Variants in FAM193A observed in about 807,000 individuals in gnomAD.
The protein encoded by FAM193A is family with sequence similarity 193 member A, also known as protein FAM193A.
FAM193A carries 22 observed loss-of-function variants against 126.5 expected under a neutral mutation model. The observed-to-expected ratio is 0.17, with a 90% confidence interval of 0.12 to 0.25. The LOEUF (loss-of-function observed/expected upper bound fraction) is 0.25. FAM193A is among the 10% of genes least tolerant of loss of function. The probability of loss-of-function intolerance (pLI) is 1.00; values close to 1 mark genes in which losing one functional copy is unlikely to be tolerated. For synonymous variants in FAM193A, 761 were observed against 646.8 expected (o/e 1.18, Z -2.68); for missense variants, 1,675 against 1,672.8 (o/e 1.00, Z -0.02).
chr4:2,636,451 C>T lies in FAM193A; in HGVS notation c.1039-3284C>T, dbSNP rs189636379. On this transcript the variant is annotated intron_variant, in intron 5 of 20. Coordinates refer to ENST00000637812, the MANE Select transcript of FAM193A (RefSeq NM_001366318.2). ...GGGAGAGTTTCTTAATGGTTAGTTG[C>T]GATGTAGAGTCTGAAACTGTATCAC... Among the ~76,000 whole-genome samples the T allele has an allele frequency of 7.2e-5, 11 of 152,096 alleles. No homozygotes were observed. The East Asian group carries it at 1.2e-3, about 16-fold the overall frequency.
At chr4:2,714,689 A>G (rs755761787) in intron 19 of FAM193A, among the ~76,000 whole-genome samples, 5 of 152,206 alleles carry the variant, frequency 3.3e-5, no homozygotes, top group Admixed American at 6.6e-5. Context: ...TGAGTTGTCA[A>G]AAATATTAGC....
chr4:2,557,991 G>C (rs1738364720), intron 1 of FAM193A, among the ~76,000 whole-genome samples: 1 of 151,920 alleles, frequency 6.6e-6, no homozygotes, highest in Admixed American at 6.6e-5. Context: ...TGTACTACAA[G>C]GCTGGGCGCT....
At chr4:2,676,851 A>G (rs141241225) in intron 13 of FAM193A, among the ~76,000 whole-genome samples, 4,628 of 152,120 alleles carry the variant, frequency 0.03, 257 homozygotes, top group African/African-American at 0.1. Flanking sequence ...TGAGGCAGGA[A>G]AATGGCGTGA....
chr4:2,560,892 C>T (rs774080190), intron 1 of FAM193A, among the ~76,000 whole-genome samples: 13 of 152,112 alleles, frequency 8.5e-5, no homozygotes, highest in Admixed American at 2.0e-4. Context: ...AAGTGATTCA[C>T]CTCACCTGCC....
intron 1 of FAM193A, among the ~76,000 whole-genome samples, chr4:2,557,153 G>GT (rs750403524): frequency 6.6e-6 from 1 of 152,110 alleles, no homozygotes; most frequent in Non-Finnish European, 1.5e-5. Context: ...AACAATAACA[G>GT]TAATAGGACA....
chr4:2,551,832 T>C (rs1737939253), intron 1 of FAM193A, among the ~76,000 whole-genome samples: 2 of 151,904 alleles, frequency 1.3e-5, no homozygotes, highest in Admixed American at 6.6e-5. Flanking sequence ...TTTTTTATTT[T>C]TATTTTTATG....
In FAM193A at chr4:2,690,733, A is replaced by G; in HGVS notation, c.2566A>G (p.Arg856Gly). ...EILGPTLSET[R>G]PEALPPPSSN... Reference sequence around the variant, plus strand: ...ATTAGGGCCAACACTCTCAGAAACAAGACCGGAAGCCCTTCCACCTCCATC... The same window carrying G: ...ATTAGGGCCAACACTCTCAGAAACAGGACCGGAAGCCCTTCCACCTCCATC... The change falls in exon 15 of 21, where the codon AGA becomes GGA. Residue 856 changes from arginine to glycine, a missense_variant. Arg to Gly is a moderately radical substitution (Grantham distance 125). Around this residue, in one of 4 missense-constraint regions of FAM193A, gnomAD observed 1,186 missense variants for 1,109.2 expected, o/e 1.07. Coordinates refer to ENST00000637812, the MANE Select transcript of FAM193A (RefSeq NM_001366318.2). 1 of 1,613,830 alleles carries G rather than the reference A, an allele frequency of 6.2e-7. No homozygotes were observed. Among genetic ancestry groups the G allele is most frequent in the Non-Finnish European group, 8.5e-7 (1 of 1,179,948 alleles).
chr4:2,626,354 G>A lies in FAM193A; in HGVS notation c.636-56G>A, dbSNP rs1435146072. 3.5e-4 allele frequency: 239 copies of A among 679,278 alleles called. 1 individual carries two copies. In the South Asian group the frequency reaches 3.5e-3, roughly 10 times the overall value. 42.1% of individuals were successfully genotyped at this position (679,278 alleles called of 1,614,324 possible). ...AGGTCCTCTGAGGACAGTGTGCTAGGTGAGGAAGGGCAGCAGATTGTGGTG... is the reference window on the plus strand; with the variant it reads ...AGGTCCTCTGAGGACAGTGTGCTAGATGAGGAAGGGCAGCAGATTGTGGTG... On this transcript the variant is annotated intron_variant, in intron 3 of 20. Transcript: ENST00000637812.
chr4:2,601,937 C>T (rs1246226754), intron 2 of FAM193A, among the ~76,000 whole-genome samples: 1 of 152,070 alleles, frequency 6.6e-6, no homozygotes, highest in African/African-American at 2.4e-5. Flanking sequence ...CTCCCAGGTT[C>T]AAGGGATTCT....
At chr4:2,718,252 C>G (rs544645431) in intron 20 of FAM193A, among the ~76,000 whole-genome samples, 1 of 151,768 alleles carries the variant, frequency 6.6e-6, no homozygotes, top group African/African-American at 2.4e-5. Context: ...TGATTGAAAA[C>G]ACCAAATAAA....
intron 1 of FAM193A, among the ~76,000 whole-genome samples, chr4:2,593,251 A>G (rs35840880): frequency 0.17 from 25,359 of 151,966 alleles, 2,687 homozygotes; most frequent in East Asian, 0.32. Flanking sequence ...TGGCTCCTGA[A>G]CTGCAGATAG....
At chr4:2,610,543 G>A (rs1741803911) in intron 2 of FAM193A, among the ~76,000 whole-genome samples, 1 of 152,132 alleles carries the variant, frequency 6.6e-6, no homozygotes, top group Non-Finnish European at 1.5e-5. Flanking sequence ...GTGATCTTTG[G>A]CTTTTTTCCT....
intron 2 of FAM193A, among the ~76,000 whole-genome samples, chr4:2,597,434 C>A (rs958218558): frequency 2.6e-5 from 4 of 152,160 alleles, no homozygotes; most frequent in African/African-American, 9.7e-5. Context: ...CTTCTTCCGA[C>A]TCCAGCCCTG....
chr4:2,715,727 G>A (rs539430740), intron 19 of FAM193A, among the ~76,000 whole-genome samples: 2 of 152,324 alleles, frequency 1.3e-5, no homozygotes, highest in African/African-American at 2.4e-5. Context: ...CTGATGGGCT[G>A]CCTGTCATAT....
chr4:2,564,999 G>C (rs1738849476), intron 1 of FAM193A, among the ~76,000 whole-genome samples: 1 of 151,856 alleles, frequency 6.6e-6, no homozygotes, highest in African/African-American at 2.4e-5. Context: ...GGGTCTTGCT[G>C]TGTTACCCAG....
At chr4:2,642,951 C>A (rs1744786470) in intron 6 of FAM193A, among the ~76,000 whole-genome samples, 1 of 151,978 alleles carries the variant, frequency 6.6e-6, no homozygotes, top group African/African-American at 2.4e-5. Flanking sequence ...AAACTCCCAT[C>A]TTTTTCTGTG....
At chr4:2,717,126 C>G (rs1719627447) in intron 20 of FAM193A, among the ~76,000 whole-genome samples, 1 of 152,088 alleles carries the variant, frequency 6.6e-6, no homozygotes, top group African/African-American at 2.4e-5. Context: ...ATTACAGGGG[C>G]CTGCCACCAC....
chr4:2,583,269 C>G (rs538708825), intron 1 of FAM193A, among the ~76,000 whole-genome samples: 1 of 152,174 alleles, frequency 6.6e-6, no homozygotes, highest in Admixed American at 6.6e-5. Context: ...CCACTGCGCC[C>G]GGCCAAGTCT....
chr4:2,562,978 T>G (rs1318111152), intron 1 of FAM193A, among the ~76,000 whole-genome samples: 2 of 149,070 alleles, frequency 1.3e-5, no homozygotes, highest in Non-Finnish European at 1.5e-5. Context: ...GGAGTCTTGC[T>G]CTCTCGCCCA....
Sources: gnomAD v4.1 joint callset for allele counts (sites outside exome capture counted in the v4.1 genomes callset) on GRCh38, gnomAD v4.1.1 for gene constraint, gnomAD v4.1.1 regional missense constraint, MANE v1.5 for transcripts, NCBI Gene and HGNC (gene_info 2026-07-23, HGNC 2026-07-21) for gene names.